Variants in PCDHA3 observed in about 807,000 individuals in gnomAD.
The protein encoded by PCDHA3 is protocadherin alpha 3.
In PCDHA3, 41 loss-of-function variants were observed where a neutral mutation model predicts 62.2. The observed-to-expected ratio is 0.66, with a 90% CI of 0.51 to 0.86. The LOEUF (loss-of-function observed/expected upper bound fraction) is 0.86. Among genes scored for constraint, PCDHA3 ranks in the 40% least tolerant of loss-of-function variants. The pLI is 0.00. For synonymous variants in PCDHA3, 640 were observed against 555.4 expected (o/e 1.15, Z -2.14); for missense variants, 1,304 against 1,241.2 (o/e 1.05, Z -0.76).
chr5:140,862,575 G>T (rs1272278191), intron 1 of PCDHA3: 3 of 486,640 alleles, frequency 6.2e-6, no homozygotes, highest in Non-Finnish European at 1.3e-5. Context: ...ATGCCCTGGC[G>T]TTCCAGCAGC....
At chr5:140,963,210 C>T (rs1200019403) in intron 1 of PCDHA3, among the ~76,000 whole-genome samples, 1 of 151,742 alleles carries the variant, frequency 6.6e-6, no homozygotes, top group East Asian at 1.9e-4. Flanking sequence ...AAAAAAACCT[C>T]GTGTTTAGAG....
At chr5:140,871,254 T>A in intron 1 of PCDHA3, 1 of 1,613,952 alleles carries the variant, frequency 6.2e-7, no homozygotes, top group Non-Finnish European at 8.5e-7. Context: ...TGCTGCTGTA[T>A]ACGGCGCTGT....
intron 1 of PCDHA3, chr5:140,927,356 G>C: frequency 6.2e-7 from 1 of 1,614,076 alleles, no homozygotes. Context: ...GACGAGGGAA[G>C]CAATGGGATA....
chr5:140,908,186 G>A (rs189627133), intron 1 of PCDHA3, among the ~76,000 whole-genome samples: 52 of 152,292 alleles, frequency 3.4e-4, no homozygotes, highest in African/African-American at 1.2e-3. Context: ...CCACTTTCAG[G>A]TGGTGGACAT....
At chr5:140,870,481 A>C (rs1329928274) in intron 1 of PCDHA3, 1 of 1,614,210 alleles carries the variant, frequency 6.2e-7, no homozygotes, top group East Asian at 2.2e-5. Context: ...GCCCGAGTAC[A>C]CCGTGTTCGT....
intron 1 of PCDHA3, among the ~76,000 whole-genome samples, chr5:140,909,861 A>C (rs782745985): frequency 6.6e-6 from 1 of 152,186 alleles, no homozygotes. Context: ...GGTCCCCTGG[A>C]GTCAACGTCA....
Position 140,925,879 on chromosome 5 carries a change from C to A in PCDHA3, c.2395-53070C>A, listed in dbSNP as rs138501139. Reference sequence around the variant, plus strand: ...GTTATTGCTATTGACTGGTTTATAACCTCCTCTTTCACCCAGATCGTCAAG... The same window carrying A: ...GTTATTGCTATTGACTGGTTTATAAACTCCTCTTTCACCCAGATCGTCAAG... On this transcript the variant is annotated intron_variant, in intron 1 of 3. Coordinates refer to ENST00000522353, the MANE Select transcript of PCDHA3 (RefSeq NM_018906.3). Among the ~76,000 whole-genome samples, 60 of 152,212 alleles carry A rather than the reference C, an allele frequency of 3.9e-4. No individual in the cohort carries two copies. In the East Asian group the frequency reaches 7.4e-3, roughly 19 times the overall value.
chr5:140,848,508 A>G, intron 1 of PCDHA3: 1 of 1,589,692 alleles, frequency 6.3e-7, no homozygotes, highest in Non-Finnish European at 8.6e-7. Flanking sequence ...GTTATACTCA[A>G]GTCGAGGAGA....
At chr5:140,922,661 T>C (rs1255153267) in intron 1 of PCDHA3, among the ~76,000 whole-genome samples, 2 of 152,156 alleles carry the variant, frequency 1.3e-5, no homozygotes, top group African/African-American at 4.8e-5. Context: ...ATGGCTATAC[T>C]GCAAGCAGTA....
At chr5:140,862,371 T>C in intron 1 of PCDHA3, 1 of 341,736 alleles carries the variant, frequency 2.9e-6, no homozygotes, top group Non-Finnish European at 5.8e-6. Flanking sequence ...ACCCGCACCC[T>C]GACTCCTCAC....
chr5:140,895,257 T>C (rs1180344268), intron 1 of PCDHA3, among the ~76,000 whole-genome samples: 2 of 152,212 alleles, frequency 1.3e-5, no homozygotes, highest in Non-Finnish European at 1.5e-5. Flanking sequence ...AGCTTTCTTT[T>C]TTTTCTTACT....
chr5:140,884,708 T>C, intron 1 of PCDHA3: 1 of 1,479,044 alleles, frequency 6.8e-7, no homozygotes, highest in Non-Finnish European at 9.0e-7. Flanking sequence ...ACTTTAGCCT[T>C]CCTTGCAGTT....
At chr5:140,900,956 C>G (rs2068392622) in intron 1 of PCDHA3, among the ~76,000 whole-genome samples, 1 of 152,160 alleles carries the variant, frequency 6.6e-6, no homozygotes, top group African/African-American at 2.4e-5. Flanking sequence ...CTCTGATTAT[C>G]AGTGATGTTG....
In PCDHA3 at chr5:140,835,742, G is replaced by A. The variant is rs2150243786; in HGVS notation, c.2394+32151G>A. On this transcript the variant is annotated intron_variant, in intron 1 of 3. Coordinates refer to ENST00000522353, the MANE Select transcript of PCDHA3 (RefSeq NM_018906.3). ...TGGCCGACGTGAACGACAACGCCCC[G>A]GCGTTCGCGCAGCCCGAGTATACGG... 1.8e-5 allele frequency: 29 copies of A among 1,613,552 alleles called. 1 individual carries two copies. The highest frequency in any genetic ancestry group is 2.4e-5 in the Non-Finnish European group (28 of 1,179,844).
intron 1 of PCDHA3, among the ~76,000 whole-genome samples, chr5:140,941,255 C>CTTTCTTTCTCTT (rs782490896): frequency 9.0e-5 from 4 of 44,506 alleles, no homozygotes; most frequent in Non-Finnish European, 1.5e-4. Flanking sequence ...TTCTTTCTTT[C>CTTTCTTTCTCTT]TCTTTCTTTC....
intron 1 of PCDHA3, chr5:140,804,998 A>T (rs1284261830): frequency 2.0e-6 from 3 of 1,532,070 alleles, no homozygotes; most frequent in Non-Finnish European, 8.7e-7. Flanking sequence ...TATTTTAAAA[A>T]TTTAGTTCTG....
intron 1 of PCDHA3, chr5:140,828,825 C>T: frequency 1.2e-6 from 2 of 1,614,200 alleles, no homozygotes; most frequent in Non-Finnish European, 8.5e-7. Flanking sequence ...TTCGAACAGT[C>T]TGAATACGAA....
At chr5:140,879,103 GGT>G (rs2057856027) in intron 1 of PCDHA3, among the ~76,000 whole-genome samples, 1 of 152,156 alleles carries the variant, frequency 6.6e-6, no homozygotes, top group Admixed American at 6.6e-5. Flanking sequence ...CACAGTATAT[GGT>G]GTAATTGAAG....
intron 1 of PCDHA3, chr5:140,863,385 G>C: frequency 9.7e-7 from 1 of 1,030,864 alleles, no homozygotes; most frequent in Non-Finnish European, 1.4e-6. Context: ...CCGAGAGCTC[G>C]TGCATGCCGG....
Sources: gnomAD v4.1 joint callset for allele counts (sites outside exome capture counted in the v4.1 genomes callset) on GRCh38, gnomAD v4.1.1 for gene constraint, MANE v1.5 for transcripts, NCBI Gene and HGNC (gene_info 2026-07-23, HGNC 2026-07-21) for gene names.